EEIG2: variants seen among roughly 807,000 people sequenced by gnomAD.
The protein encoded by EEIG2 is EEIG family member 2.
At chr1:108,582,041 A>G in the EEIG2 span, among the ~76,000 whole-genome samples, 1 of 152,176 alleles carries the variant, frequency 6.6e-6, no homozygotes, top group African/African-American at 2.4e-5. Context: ...TCAGTCAGCA[A>G]CCATCAACAT....
chr1:108,560,122 AGGCGGC>A, the EEIG2 span: 18 of 174,536 alleles, frequency 1.0e-4, no homozygotes, highest in African/African-American at 2.1e-4. Flanking sequence ...GCGGCGGCGG[AGGCGGC>A]GGCGGCGGCG....
At chr1:108,585,873 A>G in the EEIG2 span, among the ~76,000 whole-genome samples, 1 of 152,024 alleles carries the variant, frequency 6.6e-6, no homozygotes, top group Non-Finnish European at 1.5e-5. Context: ...AAGAATGTAA[A>G]CACCCTACCA....
the EEIG2 span, chr1:108,628,819 G>C: frequency 2.5e-6 from 4 of 1,602,482 alleles, no homozygotes; most frequent in Admixed American, 6.9e-5. Flanking sequence ...GTAGGTAACT[G>C]TTAAGCATAG....
chr1:108,621,778 T>C, the EEIG2 span, among the ~76,000 whole-genome samples: 1 of 152,168 alleles, frequency 6.6e-6, no homozygotes, highest in South Asian at 2.1e-4. Flanking sequence ...GGCTCCATTC[T>C]TTGTGTTTCT....
the EEIG2 span, among the ~76,000 whole-genome samples, chr1:108,563,743 A>C: frequency 3.3e-5 from 5 of 152,228 alleles, no homozygotes. Context: ...TGAGAAGTAC[A>C]ACAAATATAA....
At chr1:108,621,590 TAGAG>T in the EEIG2 span, among the ~76,000 whole-genome samples, 1 of 151,572 alleles carries the variant, frequency 6.6e-6, no homozygotes. Flanking sequence ...CAGAGGGAAA[TAGAG>T]AGGGAAGGGG....
the EEIG2 span, among the ~76,000 whole-genome samples, chr1:108,571,117 G>C: frequency 6.6e-6 from 1 of 152,162 alleles, no homozygotes; most frequent in Non-Finnish European, 1.5e-5. Flanking sequence ...AGTGAAGAGA[G>C]AAAAATTGCA....
chr1:108,602,391 C>T, the EEIG2 span, among the ~76,000 whole-genome samples: 1 of 152,260 alleles, frequency 6.6e-6, no homozygotes. Context: ...ACACCTCTCG[C>T]CTAATGTCCA....
At chr1:108,582,354 C>A in the EEIG2 span, among the ~76,000 whole-genome samples, 1 of 152,076 alleles carries the variant, frequency 6.6e-6, no homozygotes, top group Non-Finnish European at 1.5e-5. Flanking sequence ...TTATTCTTCA[C>A]TGCAATTTTT....
the EEIG2 span, among the ~76,000 whole-genome samples, chr1:108,561,698 A>G: frequency 1.2e-4 from 19 of 152,254 alleles, no homozygotes; most frequent in Admixed American, 1.2e-3. Context: ...AACTGTGGTG[A>G]CACATCAGTG....
At chr1:108,575,899 A>G in the EEIG2 span, among the ~76,000 whole-genome samples, 1 of 152,190 alleles carries the variant, frequency 6.6e-6, no homozygotes, top group South Asian at 2.1e-4. Context: ...CGATAGTTTC[A>G]CAAACAATAT....
At chr1:108,619,867 G>T in the EEIG2 span, among the ~76,000 whole-genome samples, 1 of 152,204 alleles carries the variant, frequency 6.6e-6, no homozygotes, top group Admixed American at 6.5e-5. Context: ...TCCAGGCTGG[G>T]TGACAGAGCA....
chr1:108,611,367 C>T, the EEIG2 span, among the ~76,000 whole-genome samples: 1 of 152,150 alleles, frequency 6.6e-6, no homozygotes, highest in African/African-American at 2.4e-5. Flanking sequence ...TGTTGTACCA[C>T]ATGGAAATGA....
the EEIG2 span, chr1:108,625,025 G>A: frequency 3.6e-5 from 10 of 278,470 alleles, no homozygotes; most frequent in African/African-American, 1.3e-4. Flanking sequence ...CATTTTTCCC[G>A]TTCCATTACC....
the EEIG2 span, among the ~76,000 whole-genome samples, chr1:108,563,387 T>C: frequency 1.3e-5 from 2 of 152,210 alleles, no homozygotes; most frequent in African/African-American, 4.8e-5. Flanking sequence ...GATTCGACTT[T>C]GTATCTTTTC....
the EEIG2 span, among the ~76,000 whole-genome samples, chr1:108,575,216 T>A: frequency 3.9e-4 from 59 of 152,326 alleles, no homozygotes; most frequent in African/African-American, 1.4e-3. Flanking sequence ...TAAGCACAAG[T>A]CAAAATGTTA....
the EEIG2 span, among the ~76,000 whole-genome samples, chr1:108,591,954 G>A: frequency 6.6e-6 from 1 of 152,152 alleles, no homozygotes; most frequent in Admixed American, 6.5e-5. Flanking sequence ...CAAGAGATAA[G>A]ACTAAAGACA....
chr1:108,602,463 C>T, the EEIG2 span, among the ~76,000 whole-genome samples: 2 of 152,152 alleles, frequency 1.3e-5, no homozygotes, highest in African/African-American at 2.4e-5. Flanking sequence ...TGTTTTCTCC[C>T]TTTGTGTCTT....
chr1:108,564,743 G>T, the EEIG2 span, among the ~76,000 whole-genome samples: 23 of 152,092 alleles, frequency 1.5e-4, no homozygotes, highest in Non-Finnish European at 2.5e-4. Flanking sequence ...AGGAGTTTGA[G>T]ACCAGCCTGG....
Sources: allele counts gnomAD v4.1 joint callset (sites outside exome capture counted in the v4.1 genomes callset), GRCh38; gene constraint gnomAD v4.1.1; transcripts MANE v1.5; gene names NCBI Gene and HGNC (gene_info 2026-07-23, HGNC 2026-07-21).